GARIN1B: variants seen among roughly 807,000 people sequenced by gnomAD.
GARIN1B encodes golgi associated RAB2 interactor 1B.
the GARIN1B span, among the ~76,000 whole-genome samples, chr7:128,724,470 C>G: frequency 1.3e-5 from 2 of 152,108 alleles, no homozygotes; most frequent in Non-Finnish European, 2.9e-5. Context: ...AATATAGAGT[C>G]TGTTCTGGAA....
the GARIN1B span, chr7:128,713,800 A>C: frequency 2.3e-6 from 1 of 440,012 alleles, no homozygotes; most frequent in South Asian, 2.1e-5. Context: ...CTCAGTGGCC[A>C]AGTATACTCA....
chr7:128,711,589 A>G, the GARIN1B span, among the ~76,000 whole-genome samples: 1 of 152,286 alleles, frequency 6.6e-6, no homozygotes, highest in African/African-American at 2.4e-5. Flanking sequence ...GAGAGTATCA[A>G]CTAAATGAAC....
At chr7:128,730,008 G>T in the GARIN1B span, 5 of 1,614,180 alleles carry the variant, frequency 3.1e-6, no homozygotes, top group Non-Finnish European at 4.2e-6. Context: ...CCGGCCTGCA[G>T]CCCCTCTCAC....
At chr7:128,709,750 C>CTTTT in the GARIN1B span, among the ~76,000 whole-genome samples, 181 of 114,664 alleles carry the variant, frequency 1.6e-3, 9 homozygotes, top group African/African-American at 4.0e-3. Context: ...CTCTCTCTCT[C>CTTTT]TTTTTTTTTT....
the GARIN1B span, among the ~76,000 whole-genome samples, chr7:128,721,590 T>C: frequency 6.6e-6 from 1 of 152,204 alleles, no homozygotes; most frequent in Admixed American, 6.5e-5. Context: ...GATTTGTTTA[T>C]TGCTCTATTG....
the GARIN1B span, chr7:128,714,121 T>C: frequency 2.6e-6 from 4 of 1,536,102 alleles, no homozygotes; most frequent in Non-Finnish European, 3.5e-6. Flanking sequence ...GAAGGACTGA[T>C]GGAATTGGAT....
chr7:128,725,215 C>G, the GARIN1B span: 7 of 155,224 alleles, frequency 4.5e-5, no homozygotes, highest in South Asian at 1.4e-3. Flanking sequence ...ATATATCATA[C>G]AGAGCTCTGT....
At chr7:128,719,437 C>T in the GARIN1B span, among the ~76,000 whole-genome samples, 1 of 151,846 alleles carries the variant, frequency 6.6e-6, no homozygotes, top group South Asian at 2.1e-4. Context: ...AGAACATTTC[C>T]ATTACCCTAA....
At chr7:128,722,745 A>G in the GARIN1B span, among the ~76,000 whole-genome samples, 1 of 152,038 alleles carries the variant, frequency 6.6e-6, no homozygotes, top group Non-Finnish European at 1.5e-5. Context: ...CAGAGGTCTC[A>G]GTGAGCCGAG....
At chr7:128,728,407 C>A in the GARIN1B span, among the ~76,000 whole-genome samples, 1 of 151,562 alleles carries the variant, frequency 6.6e-6, no homozygotes, top group Non-Finnish European at 1.5e-5. Flanking sequence ...CACGCCACTG[C>A]ACTCCAGCCT....
At chr7:128,728,213 G>A in the GARIN1B span, among the ~76,000 whole-genome samples, 1 of 152,214 alleles carries the variant, frequency 6.6e-6, no homozygotes, top group Non-Finnish European at 1.5e-5. Flanking sequence ...GGAGGCCGAG[G>A]TGGATGGATC....
At chr7:128,723,143 A>C in the GARIN1B span, 2 of 1,491,992 alleles carry the variant, frequency 1.3e-6, no homozygotes, top group South Asian at 2.7e-5. Context: ...TATTAGGAAA[A>C]TGTGAAGACC....
At chr7:128,724,831 T>C in the GARIN1B span, 1 of 1,289,702 alleles carries the variant, frequency 7.8e-7, no homozygotes, top group East Asian at 5.6e-5. Flanking sequence ...GCACTGGTAA[T>C]AAACTGAAAA....
the GARIN1B span, among the ~76,000 whole-genome samples, chr7:128,725,225 T>C: frequency 6.6e-6 from 1 of 152,196 alleles, no homozygotes; most frequent in African/African-American, 2.4e-5. Context: ...CAGAGCTCTG[T>C]AATTAAGGAA....
chr7:128,718,881 G>A, the GARIN1B span: 32 of 1,613,856 alleles, frequency 2.0e-5, no homozygotes, highest in East Asian at 4.5e-5. Context: ...CACTATCAAC[G>A]CATCCTGCAG....
chr7:128,714,503 G>A, the GARIN1B span, among the ~76,000 whole-genome samples: 3 of 152,096 alleles, frequency 2.0e-5, no homozygotes, highest in Middle Eastern at 3.4e-3. Context: ...GCTTGAACTC[G>A]GGAGGCAGAG....
At chr7:128,731,404 C>A in the GARIN1B span, 2 of 498,864 alleles carry the variant, frequency 4.0e-6, no homozygotes, top group Non-Finnish European at 3.6e-6. Flanking sequence ...GGAAGTAGGA[C>A]CAGAGAAGTG....
the GARIN1B span, among the ~76,000 whole-genome samples, chr7:128,719,698 T>C: frequency 2.7e-5 from 1 of 37,220 alleles, no homozygotes; most frequent in East Asian, 2.8e-4. Context: ...TTTGTTTTGC[T>C]TTTTTTTTTT....
At chr7:128,723,199 A>G in the GARIN1B span, 3 of 1,609,614 alleles carry the variant, frequency 1.9e-6, no homozygotes, top group Non-Finnish European at 2.5e-6. Context: ...TCATATAGTT[A>G]GTACAGAAGA....
Sources: gnomAD v4.1 joint callset for allele counts (sites outside exome capture counted in the v4.1 genomes callset) on GRCh38, gnomAD v4.1.1 for gene constraint, MANE v1.5 for transcripts, NCBI Gene and HGNC (gene_info 2026-07-23, HGNC 2026-07-21) for gene names.